PCDHGA2: variants seen among roughly 807,000 people sequenced by gnomAD.
PCDHGA2 encodes protocadherin gamma-A2.
A neutral mutation model predicts 59.2 loss-of-function variants in PCDHGA2; 40 were observed. The ratio of observed to expected loss-of-function variants is 0.68; its 90% CI spans 0.52 to 0.88. The LOEUF is 0.88. Among genes scored for constraint, PCDHGA2 ranks in the 40% least tolerant of loss-of-function variants. The probability of loss-of-function intolerance (pLI) is 0.00; values close to 1 mark genes in which losing one functional copy is unlikely to be tolerated. For synonymous variants in PCDHGA2, 560 were observed against 526.0 expected, an observed-to-expected ratio of 1.06 and a Z score of -0.89; for missense variants, 1,226 against 1,204.0, an observed-to-expected ratio of 1.02 and a Z score of -0.27.
intron 1 of PCDHGA2, among the ~76,000 whole-genome samples, chr5:141,452,356 C>G (rs1008914676): frequency 6.6e-6 from 1 of 152,148 alleles, no homozygotes; most frequent in African/African-American, 2.4e-5. Flanking sequence ...ATCCAAAAGC[C>G]TTGCTTCATT....
intron 1 of PCDHGA2, chr5:141,371,270 C>T (rs778912997): frequency 6.2e-7 from 1 of 1,613,894 alleles, no homozygotes; most frequent in African/African-American, 1.3e-5. Flanking sequence ...GACAACTGTT[C>T]AAGCTGGACA....
intron 1 of PCDHGA2, chr5:141,388,948 T>C (rs751779962): frequency 7.4e-6 from 12 of 1,613,904 alleles, no homozygotes; most frequent in Admixed American, 1.7e-5. Context: ...AACCTAATTA[T>C]GGAGGACGCC....
intron 1 of PCDHGA2, chr5:141,404,968 G>A: frequency 6.2e-7 from 1 of 1,613,964 alleles, no homozygotes. Context: ...CAGACATCCT[G>A]GCTGACCTGG....
At chr5:141,405,027 A>G (rs1402992376) in intron 1 of PCDHGA2, 1 of 1,613,252 alleles carries the variant, frequency 6.2e-7, no homozygotes, top group Non-Finnish European at 8.5e-7. Context: ...CTTACCCTCT[A>G]CCTCGTTGTG....
chr5:141,475,955 C>A, intron 1 of PCDHGA2: 1 of 800,218 alleles, frequency 1.2e-6, no homozygotes, highest in Non-Finnish European at 1.9e-6. Flanking sequence ...TTCTGCGCCC[C>A]GGGATGAGGC....
Position 141,339,190 on chromosome 5 carries a change from G to C in PCDHGA2, c.219G>C (p.Gln73His), listed in dbSNP as rs759821853. 2.5e-6 allele frequency: 4 copies of C among 1,614,028 alleles called. No homozygotes were observed. The highest frequency in any genetic ancestry group is 2.2e-5 in the East Asian group (1 of 44,890). ...GVRIVSRGRS[Q>H]LFALNPRSGS... ...GCATCGTCTCCAGAGGTAGGTCCCA[G>C]CTCTTTGCTCTGAACCCGCGAAGCG... Residue 73 changes from glutamine (Q) to histidine (H), a missense_variant, in exon 1 of 4, where the codon CAG becomes CAC. Physicochemically the swap from Gln to His is conservative, Grantham distance 24. Transcript: ENST00000394576.
chr5:141,434,044 A>T (rs2097670450), intron 1 of PCDHGA2, among the ~76,000 whole-genome samples: 2 of 152,132 alleles, frequency 1.3e-5, no homozygotes, highest in South Asian at 4.1e-4. Flanking sequence ...TTTCTATTTT[A>T]TTCAATGGCC....
intron 1 of PCDHGA2, among the ~76,000 whole-genome samples, chr5:141,484,837 T>C (rs1289449270): frequency 6.6e-6 from 1 of 151,620 alleles, no homozygotes; most frequent in Non-Finnish European, 1.5e-5. Context: ...GGCGAAAAGA[T>C]AGGCTGGGTT....
At chr5:141,453,481 TA>T (rs1178324090) in intron 1 of PCDHGA2, among the ~76,000 whole-genome samples, 1 of 151,928 alleles carries the variant, frequency 6.6e-6, no homozygotes, top group Non-Finnish European at 1.5e-5. Context: ...TCAAAACTAT[TA>T]AAAAAAGGTG....
chr5:141,409,887 T>C, intron 1 of PCDHGA2: 2 of 1,613,062 alleles, frequency 1.2e-6, no homozygotes, highest in Admixed American at 1.7e-5. Context: ...GCACCGCGGG[T>C]GCTGTACCCA....
At chr5:141,356,833 A>G in intron 1 of PCDHGA2, 1 of 1,614,124 alleles carries the variant, frequency 6.2e-7, no homozygotes, top group South Asian at 1.1e-5. Context: ...ACTCAGCAGC[A>G]ATGTGTCACT....
chr5:141,413,485 G>C lies in PCDHGA2; in HGVS notation c.2424+72090G>C, dbSNP rs184712199. ...CCGGGAGGAGCTCTGCGCTCAGAGC[G>C]CGCGGTGCGTGGTGAGTTTTAATAT... is the stretch of plus-strand genomic sequence containing the variant. On this transcript the variant is annotated intron_variant, in intron 1 of 3. Coordinates refer to ENST00000394576, the MANE Select transcript of PCDHGA2 (RefSeq NM_018915.4). 439 of 1,614,058 alleles carry C rather than the reference G, an allele frequency of 2.7e-4. 1 individual carries two copies. In the African/African-American group the frequency reaches 4.6e-3, roughly 17 times the overall value.
At chr5:141,413,331 C>T (rs1300057166) in intron 1 of PCDHGA2, 1 of 1,613,992 alleles carries the variant, frequency 6.2e-7, no homozygotes, top group Admixed American at 1.7e-5. Context: ...TGGGCAACAT[C>T]TCCAAGGACT....
At chr5:141,344,519 A>T in intron 1 of PCDHGA2, 1 of 1,613,986 alleles carries the variant, frequency 6.2e-7, no homozygotes. Flanking sequence ...ACCCAGATGT[A>T]GGCATTAACT....
chr5:141,366,091 G>A (rs756134424), intron 1 of PCDHGA2: 3 of 1,614,130 alleles, frequency 1.9e-6, no homozygotes, highest in Non-Finnish European at 2.5e-6. Flanking sequence ...CTGGCTACCT[G>A]GTGACCAAGG....
At chr5:141,449,022 A>G (rs2154562454) in intron 1 of PCDHGA2, among the ~76,000 whole-genome samples, 1 of 152,312 alleles carries the variant, frequency 6.6e-6, no homozygotes, top group Admixed American at 6.5e-5. Context: ...GTTGCTTAGC[A>G]TTCCTTTGGA....
chr5:141,394,472 G>C, intron 1 of PCDHGA2: 2 of 1,614,242 alleles, frequency 1.2e-6, no homozygotes, highest in East Asian at 2.2e-5. Flanking sequence ...TGTTCGTGCT[G>C]GACCAGAATG....
chr5:141,442,818 C>A (rs553817796), intron 1 of PCDHGA2, among the ~76,000 whole-genome samples: 1 of 151,882 alleles, frequency 6.6e-6, no homozygotes, highest in Non-Finnish European at 1.5e-5. Context: ...TGTACTGATC[C>A]AAAAATAAGG....
intron 1 of PCDHGA2, among the ~76,000 whole-genome samples, chr5:141,481,426 A>G (rs1431602618): frequency 6.6e-6 from 1 of 152,238 alleles, no homozygotes; most frequent in Non-Finnish European, 1.5e-5. Flanking sequence ...TGTGATGATG[A>G]TTGTATCAGT....
Sources: gnomAD v4.1 joint callset for allele counts (sites outside exome capture counted in the v4.1 genomes callset) on GRCh38, gnomAD v4.1.1 for gene constraint, MANE v1.5 for transcripts, NCBI Gene and HGNC (gene_info 2026-07-23, HGNC 2026-07-21) for gene names.